DYNC1I1: variants seen among roughly 807,000 people sequenced by gnomAD.
DYNC1I1 encodes dynein cytoplasmic 1 intermediate chain 1.
In DYNC1I1, 43 loss-of-function variants were observed where a neutral mutation model predicts 86.6. The observed-to-expected ratio is 0.50, with a 90% CI of 0.39 to 0.64. DYNC1I1 has a LOEUF of 0.64. DYNC1I1 is among the 30% of genes least tolerant of loss of function. The pLI is 0.00. For missense variants in DYNC1I1, 604 were observed against 788.8 expected (o/e 0.77, Z 2.81); for synonymous variants, 262 against 283.7 (o/e 0.92, Z 0.77).
In DYNC1I1 at chr7:95,930,523, T is replaced by C. The variant is rs1297673956; in HGVS notation, c.491-46989T>C. Among the ~76,000 whole-genome samples, 5 of 152,308 alleles carry C rather than the reference T, an allele frequency of 3.3e-5. No homozygotes were observed. The East Asian group carries it at 9.7e-4, about 29-fold the overall frequency. The stretch of plus-strand genomic sequence containing the variant: ...CTTTTCTTGAGGAAAGTGTCTAAGG[T>C]GGAGGGAGGTCTGGTTGCTATGGAT... On this transcript the variant is annotated intron_variant, in intron 6 of 16. Coordinates refer to ENST00000447467, the MANE Select transcript of DYNC1I1 (RefSeq NM_001135556.2).
Position 95,868,252 on chromosome 7 carries a change from C to T in DYNC1I1, c.375-1631C>T, listed in dbSNP as rs556055444. Among the ~76,000 whole-genome samples, 170 of 152,278 alleles carry T rather than the reference C, an allele frequency of 1.1e-3. No individual in the cohort carries two copies. In the Middle Eastern group the frequency reaches 0.024, roughly 21 times the overall value. ...CCAGCGAGGCTTGTCCTCTAACCAG[C>T]GTTTGTTTGTTTATTTGCTTGTACC... On this transcript the variant is annotated intron_variant, in intron 5 of 16. Coordinates refer to ENST00000447467, the MANE Select transcript of DYNC1I1 (RefSeq NM_001135556.2).
At chr7:95,924,266 G>A (rs1012730494) in intron 6 of DYNC1I1, among the ~76,000 whole-genome samples, 1 of 152,110 alleles carries the variant, frequency 6.6e-6, no homozygotes, top group African/African-American at 2.4e-5. Context: ...CTAAATGTGT[G>A]TTCCTTCCAA....
At position 95,978,231 on chromosome 7, in the gene DYNC1I1, A is replaced by G. The variant is rs182424183; in HGVS notation, c.580+630A>G. On this transcript the variant is annotated intron_variant, in intron 7 of 16. Transcript: ENST00000447467. ...CCTATTTATAGGCAGAGAACTAGGA[A>G]GAGAGAGGTCTAAAACTTTATCCAA... 2.0e-5 allele frequency among the ~76,000 whole-genome samples: 3 copies of G among 152,336 alleles called. No individual in the cohort carries two copies. The South Asian group carries it at 6.2e-4, about 32-fold the overall frequency.
At chr7:95,954,308 A>G (rs1213144307) in intron 6 of DYNC1I1, among the ~76,000 whole-genome samples, 1 of 151,310 alleles carries the variant, frequency 6.6e-6, no homozygotes, top group Non-Finnish European at 1.5e-5. Context: ...CTATTTAAAG[A>G]CAATTAAGGT....
intron 6 of DYNC1I1, among the ~76,000 whole-genome samples, chr7:95,909,671 C>CT (rs34345864): frequency 6.6e-6 from 1 of 152,040 alleles, no homozygotes; most frequent in East Asian, 1.9e-4. Context: ...ATCTGGTGCT[C>CT]TTTTTTTAAG....
chr7:95,928,748 G>A (rs746154641), intron 6 of DYNC1I1, among the ~76,000 whole-genome samples: 1 of 152,180 alleles, frequency 6.6e-6, no homozygotes, highest in Non-Finnish European at 1.5e-5. Context: ...TACGGCCATG[G>A]GCAGTTAGTG....
intron 1 of DYNC1I1, among the ~76,000 whole-genome samples, chr7:95,790,420 C>T (rs1303675769): frequency 6.6e-6 from 1 of 152,176 alleles, no homozygotes; most frequent in Admixed American, 6.5e-5. Flanking sequence ...GCTTCCCCCT[C>T]TGCCTGGGAG....
At chr7:95,985,614 C>A (rs1793570303) in intron 8 of DYNC1I1, among the ~76,000 whole-genome samples, 1 of 152,100 alleles carries the variant, frequency 6.6e-6, no homozygotes, top group Non-Finnish European at 1.5e-5. Context: ...ATAGGAGGGA[C>A]TATATGAGCC....
At chr7:96,056,000 A>G (rs1363460219) in intron 14 of DYNC1I1, 2 of 151,202 alleles carry the variant, frequency 1.3e-5, no homozygotes, top group Non-Finnish European at 2.9e-5. Context: ...GACCTTCCTT[A>G]AGGATTAAAA....
At chr7:95,902,778 C>A (rs745873686) in intron 6 of DYNC1I1, among the ~76,000 whole-genome samples, 14 of 152,124 alleles carry the variant, frequency 9.2e-5, no homozygotes, top group Non-Finnish European at 1.5e-4. Context: ...TTCCCCCCAG[C>A]GTAGGGAGTT....
intron 14 of DYNC1I1, among the ~76,000 whole-genome samples, chr7:96,067,098 T>TACCA (rs1790015651): frequency 6.6e-6 from 1 of 152,100 alleles, no homozygotes; most frequent in Admixed American, 6.5e-5. Context: ...AACATTTTGG[T>TACCA]AAATGTTCAA....
intron 6 of DYNC1I1, among the ~76,000 whole-genome samples, chr7:95,932,881 T>TA (rs1404362503): frequency 4.2e-5 from 6 of 144,526 alleles, no homozygotes; most frequent in Middle Eastern, 3.5e-3. Flanking sequence ...ATTTTTTAAT[T>TA]TTTTTTTTTT....
intron 2 of DYNC1I1, among the ~76,000 whole-genome samples, chr7:95,805,882 C>T (rs78805080): frequency 0.031 from 4,700 of 152,256 alleles, 231 homozygotes; most frequent in African/African-American, 0.11. Flanking sequence ...TTTCATACTA[C>T]AAGGCTGAGA....
chr7:95,820,927 G>A (rs550643031), intron 4 of DYNC1I1, among the ~76,000 whole-genome samples: 2 of 152,186 alleles, frequency 1.3e-5, no homozygotes, highest in Non-Finnish European at 2.9e-5. Context: ...CTTCAGTATG[G>A]AAGTGAGTCT....
chr7:96,058,596 G>A (rs552788471), intron 14 of DYNC1I1, among the ~76,000 whole-genome samples: 2 of 152,160 alleles, frequency 1.3e-5, no homozygotes. Context: ...TGTTTATTCT[G>A]GTGGGAAGAA....
intron 14 of DYNC1I1, among the ~76,000 whole-genome samples, chr7:96,045,754 T>C (rs988884674): frequency 6.6e-5 from 10 of 152,026 alleles, no homozygotes; most frequent in Admixed American, 4.6e-4. Flanking sequence ...GGCAAAGGCA[T>C]GTATCATGGA....
chr7:96,050,757 A>C (rs771777004), intron 14 of DYNC1I1, among the ~76,000 whole-genome samples: 1 of 151,852 alleles, frequency 6.6e-6, no homozygotes, highest in Non-Finnish European at 1.5e-5. Flanking sequence ...CATTTTTATC[A>C]TTTTCCTTTT....
At chr7:95,785,775 G>GTATGTATATATATATA (rs55666459) in intron 1 of DYNC1I1, among the ~76,000 whole-genome samples, 4 of 124,884 alleles carry the variant, frequency 3.2e-5, no homozygotes, top group Non-Finnish European at 6.9e-5. Flanking sequence ...GTGTGTATGT[G>GTATGTATATATATATA]TATATATATA....
At chr7:95,992,295 T>C (rs1287929190) in intron 9 of DYNC1I1, among the ~76,000 whole-genome samples, 1 of 152,176 alleles carries the variant, frequency 6.6e-6, no homozygotes, top group Non-Finnish European at 1.5e-5. Context: ...GAGAAGAGCC[T>C]ATTATTCAGG....
Sources: allele counts gnomAD v4.1 joint callset (sites outside exome capture counted in the v4.1 genomes callset), GRCh38; gene constraint gnomAD v4.1.1; transcripts MANE v1.5; gene names NCBI Gene and HGNC (gene_info 2026-07-23, HGNC 2026-07-21).